PRH1: variants seen among roughly 807,000 people sequenced by gnomAD.
The protein encoded by PRH1 is salivary acidic proline-rich phosphoprotein 1/2.
Under a neutral mutation model 7.9 loss-of-function variants are expected in PRH1, and 7 were observed. The observed-to-expected ratio is 0.89, with a 90% CI of 0.50 to 1.67. The LOEUF (loss-of-function observed/expected upper bound fraction) is 1.67. Among genes scored for constraint, PRH1 ranks in the 40% most tolerant of loss-of-function variants. The pLI, the probability that PRH1 is intolerant of heterozygous loss-of-function variation, is 0.00. For missense variants in PRH1, 109 were observed against 223.6 expected (o/e 0.49, Z 3.27); for synonymous variants, 45 against 80.8 (o/e 0.56, Z 2.38).
At chr12:10,901,284 A>G (rs1377514729) in intron 2 of PRH1, among the ~76,000 whole-genome samples, 1 of 152,200 alleles carries the variant, frequency 6.6e-6, no homozygotes, top group African/African-American at 2.4e-5. Context: ...CTCCACAAGC[A>G]GGCAGATTTC....
intron 1 of PRH1, among the ~76,000 whole-genome samples, chr12:10,976,920 TAAG>T (rs1939129770): frequency 6.6e-6 from 1 of 151,936 alleles, no homozygotes; most frequent in Non-Finnish European, 1.5e-5. Flanking sequence ...GAATCAGTAA[TAAG>T]AAGCCTGCCA....
chr12:10,908,624 C>A (rs1280223039), intron 2 of PRH1: 2 of 1,613,946 alleles, frequency 1.2e-6, no homozygotes, highest in Admixed American at 3.3e-5. Context: ...TTGTATGGAC[C>A]TTGGTCCTGG....
chr12:11,051,621 C>A (rs570797727), upstream of PRH1, among the ~76,000 whole-genome samples: 1 of 151,744 alleles, frequency 6.6e-6, no homozygotes, highest in Non-Finnish European at 1.5e-5. Flanking sequence ...TAATACGCAA[C>A]GTCCATAATT....
At chr12:11,161,243 G>C (rs1340666557) in intron 1 of PRH1, among the ~76,000 whole-genome samples, 2 of 152,170 alleles carry the variant, frequency 1.3e-5, no homozygotes, top group Admixed American at 6.5e-5. Context: ...AGGTTACTCA[G>C]ACATATCAGT....
At chr12:10,915,141 A>T (rs1949955809) in intron 2 of PRH1, among the ~76,000 whole-genome samples, 1 of 152,184 alleles carries the variant, frequency 6.6e-6, no homozygotes, top group Non-Finnish European at 1.5e-5. Context: ...AAAACAAAAA[A>T]CAAACAAACA....
At chr12:10,965,661 C>T (rs920823727) in intron 2 of PRH1, among the ~76,000 whole-genome samples, 1 of 152,158 alleles carries the variant, frequency 6.6e-6, no homozygotes, top group Non-Finnish European at 1.5e-5. Flanking sequence ...TTTTCATTTG[C>T]CAGCATGCAA....
chr12:10,930,080 G>A (rs11054080), intron 2 of PRH1, among the ~76,000 whole-genome samples: 14,072 of 152,138 alleles, frequency 0.092, 920 homozygotes, highest in Non-Finnish European at 0.14. Context: ...CCTGGTTGAC[G>A]CTCAGTGTAG....
At chr12:11,123,515 A>G (rs1374142682) in intron 1 of PRH1, among the ~76,000 whole-genome samples, 2 of 152,230 alleles carry the variant, frequency 1.3e-5, no homozygotes, top group Non-Finnish European at 2.9e-5. Context: ...ATTGTTTTCT[A>G]CAGGCAACAT....
chr12:11,037,625 T>C (rs1292248939), intron 1 of PRH1, among the ~76,000 whole-genome samples: 2 of 152,226 alleles, frequency 1.3e-5, no homozygotes, highest in East Asian at 3.8e-4. Flanking sequence ...AATAATCAAA[T>C]TGGAAATAAA....
chr12:11,013,494 T>C (rs1202526024), intron 1 of PRH1, among the ~76,000 whole-genome samples: 2 of 152,148 alleles, frequency 1.3e-5, no homozygotes, highest in African/African-American at 2.4e-5. Context: ...GTGAGATTAG[T>C]AACTAAGATA....
intron 1 of PRH1, among the ~76,000 whole-genome samples, chr12:10,994,529 C>T (rs1053999658): frequency 1.3e-5 from 2 of 152,198 alleles, no homozygotes; most frequent in Non-Finnish European, 2.9e-5. Context: ...TCACACATTA[C>T]AGCACATAGT....
chr12:10,928,099 T>C (rs1031166743), intron 2 of PRH1, among the ~76,000 whole-genome samples: 8 of 151,984 alleles, frequency 5.3e-5, no homozygotes, highest in Non-Finnish European at 8.8e-5. Context: ...AAAAACTATA[T>C]AGGAAGAAAA....
chr12:10,957,031 T>C (rs766585635), intron 2 of PRH1, among the ~76,000 whole-genome samples: 3 of 151,894 alleles, frequency 2.0e-5, no homozygotes, highest in South Asian at 2.1e-4. Flanking sequence ...CAAATTATCA[T>C]TGATATTCTT....
chr12:10,942,545 T>C (rs1455342435), intron 2 of PRH1, among the ~76,000 whole-genome samples: 1 of 152,060 alleles, frequency 6.6e-6, no homozygotes, highest in Non-Finnish European at 1.5e-5. Context: ...AAAGGGCTGG[T>C]CTCACTCCCA....
rs1217764724 is a variant in PRH1, at chr12:10,988,395, TA to T, written c.-125-14675del. Among the ~76,000 whole-genome samples the T allele has an allele frequency of 6.6e-5, 10 of 152,054 alleles. 1 individual carries two copies. The highest frequency in any genetic ancestry group is 6.8e-3 in the Middle Eastern group (2 of 294). Reference sequence around the variant, plus strand: ...ATGTGAGGTAGATAATTAAAGGTAATAAAAAAATGTTTGAAAGGATTTGTGT... The same window carrying T: ...ATGTGAGGTAGATAATTAAAGGTAATAAAAAATGTTTGAAAGGATTTGTGT... On this transcript the variant is annotated intron_variant, in intron 1 of 3. Transcript: ENST00000539853.
At chr12:10,923,724 G>T (rs1480599888) in intron 2 of PRH1, among the ~76,000 whole-genome samples, 2 of 152,144 alleles carry the variant, frequency 1.3e-5, no homozygotes, top group Non-Finnish European at 1.5e-5. Context: ...TTAGTTAGTG[G>T]TAGATTCTAC....
intron 1 of PRH1, among the ~76,000 whole-genome samples, chr12:11,086,104 TCCCCCCCCCA>T (rs1944679070): frequency 9.1e-6 from 1 of 110,400 alleles, no homozygotes; most frequent in African/African-American, 3.3e-5. Context: ...ATAAACACAT[TCCCCCCCCCA>T]CACACACACC....
In PRH1 at chr12:11,079,602, C is replaced by A. The variant is rs1176843394; in HGVS notation, n.124-32414G>T. Reference sequence around the variant, plus strand: ...CAGAAAAACCTAAGTGATAAAGGCACTCTGCTAAACCAAGAGTATGGGAAA... The same window carrying A: ...CAGAAAAACCTAAGTGATAAAGGCAATCTGCTAAACCAAGAGTATGGGAAA... On this transcript the variant is annotated intron_variant and non_coding_transcript_variant, in intron 1 of 4. Coordinates refer to the PRH1 transcript ENST00000541977. Among the ~76,000 whole-genome samples, 3 of 87,520 alleles carry A rather than the reference C, an allele frequency of 3.4e-5. No individual in the cohort carries two copies. In the South Asian group the frequency reaches 9.2e-4, roughly 27 times the overall value. The allele number at this position is 87,520 out of a possible 152,430, so 57.4% of individuals were successfully genotyped here.
intron 2 of PRH1, among the ~76,000 whole-genome samples, chr12:10,914,205 A>G (rs1418321362): frequency 6.6e-6 from 1 of 152,232 alleles, no homozygotes; most frequent in East Asian, 1.9e-4. Context: ...CTAGAAAAAA[A>G]ATATAATTGA....
Sources: allele counts gnomAD v4.1 joint callset (sites outside exome capture counted in the v4.1 genomes callset), GRCh38; gene constraint gnomAD v4.1.1; transcripts MANE v1.5; gene names NCBI Gene and HGNC (gene_info 2026-07-23, HGNC 2026-07-21).